The following CIB1 variants were observed in gnomAD, a reference collection of about 807,000 sequenced individuals.
CIB1 encodes calcium and integrin-binding protein 1.
Under a neutral mutation model 25.0 loss-of-function variants are expected in CIB1, and 19 were observed. The observed-to-expected ratio is 0.76, with a 90% confidence interval of 0.53 to 1.12. CIB1 has a LOEUF of 1.12. CIB1 is among the 50% of genes most tolerant of loss of function. CIB1 has a pLI of 0.00. For missense variants in CIB1, 236 were observed against 242.6 expected (o/e 0.97, Z 0.18); for synonymous variants, 104 against 98.5 (o/e 1.06, Z -0.33).
chr15:90,257,135 C>T, the CIB1 span: 4 of 1,612,710 alleles, frequency 2.5e-6, no homozygotes, highest in Non-Finnish European at 2.5e-6. Flanking sequence ...TGCATGCTCC[C>T]AGCCCCTCCT....
the CIB1 span, chr15:90,264,699 A>T: frequency 3.9e-6 from 6 of 1,534,278 alleles, no homozygotes; most frequent in Non-Finnish European, 5.2e-6. Context: ...CAACTCAGGG[A>T]CATCCATGTT....
chr15:90,262,007 A>T, the CIB1 span: 1 of 1,531,774 alleles, frequency 6.5e-7, no homozygotes, highest in Non-Finnish European at 8.7e-7. Context: ...TTTCCACAGG[A>T]AAGAAAAAAC....
At chr15:90,256,611 T>TTTCTTTCTTTCTTTC in the CIB1 span, among the ~76,000 whole-genome samples, 3 of 43,132 alleles carry the variant, frequency 7.0e-5, no homozygotes, top group African/African-American at 3.9e-4. Context: ...CTTTCTTTCC[T>TTTCTTTCTTTCTTTC]TCCTTCCTTC....
chr15:90,245,330 CT>C, the CIB1 span: 1 of 152,068 alleles, frequency 6.6e-6, no homozygotes, highest in Admixed American at 6.6e-5. Context: ...CAAAAATTAG[CT>C]GGGTGTGGGT....
chr15:90,246,779 C>A, the CIB1 span, among the ~76,000 whole-genome samples: 671 of 88,332 alleles, frequency 7.6e-3, 8 homozygotes, highest in African/African-American at 0.028. Context: ...CAGAGTGAGA[C>A]TCTGTCTCAA....
chr15:90,258,968 C>T, the CIB1 span: 1 of 1,613,714 alleles, frequency 6.2e-7, no homozygotes, highest in African/African-American at 1.3e-5. Context: ...CTTCATTATT[C>T]CTGAGAGTAA....
chr15:90,260,985 A>T, the CIB1 span, among the ~76,000 whole-genome samples: 1 of 152,188 alleles, frequency 6.6e-6, no homozygotes, highest in African/African-American at 2.4e-5. Context: ...CTCATAATCA[A>T]CATGCTAATT....
At chr15:90,242,328 T>G in the CIB1 span, 4 of 269,414 alleles carry the variant, frequency 1.5e-5, no homozygotes, top group Admixed American at 5.2e-5. Context: ...TTTCACCATG[T>G]TGCCCAGGCT....
At chr15:90,246,980 T>TC in the CIB1 span, among the ~76,000 whole-genome samples, 3 of 151,328 alleles carry the variant, frequency 2.0e-5, no homozygotes, top group African/African-American at 7.3e-5. Context: ...TCTTTCCTTT[T>TC]TTTTTTTTCT....
the CIB1 span, chr15:90,250,857 C>G: frequency 6.2e-7 from 1 of 1,613,986 alleles, no homozygotes; most frequent in Admixed American, 1.7e-5. Context: ...GACTTAGAAG[C>G]TGGGAGGAGG....
chr15:90,259,371 C>T, the CIB1 span, among the ~76,000 whole-genome samples: 12 of 150,548 alleles, frequency 8.0e-5, no homozygotes, highest in Non-Finnish European at 1.6e-4. Flanking sequence ...GCCTGGGCAA[C>T]AGAGTGAGAC....
the CIB1 span, chr15:90,244,654 C>T: frequency 5.3e-5 from 8 of 152,132 alleles, no homozygotes; most frequent in Admixed American, 5.2e-4. Context: ...GAAACCCCAT[C>T]TCTACTAAAA....
the CIB1 span, chr15:90,251,422 C>A: frequency 3.0e-5 from 28 of 946,096 alleles, no homozygotes; most frequent in Non-Finnish European, 4.7e-5. Context: ...CCGCGCCCAG[C>A]CCATCCTGGT....
chr15:90,233,523 G>A, intron 2 of CIB1, 146 bp downstream of exon 2: 1 of 1,051,970 alleles, frequency 9.5e-7, no homozygotes, highest in Non-Finnish European at 1.4e-6. Flanking sequence ...CGGGAGGAGG[G>A]CGCAGCCCGG....
the CIB1 span, among the ~76,000 whole-genome samples, chr15:90,254,202 TA>T: frequency 0.2 from 28,080 of 138,858 alleles, 3,575 homozygotes; most frequent in African/African-American, 0.38. Context: ...TTTTTTTTTT[TA>T]AAAAAAAAAG....
the CIB1 span, chr15:90,255,653 C>G: frequency 6.5e-7 from 1 of 1,539,988 alleles, no homozygotes; most frequent in Non-Finnish European, 8.9e-7. Flanking sequence ...ACTGTGACTT[C>G]TCCCTTAACC....
the CIB1 span, chr15:90,263,183 A>C: frequency 6.8e-7 from 1 of 1,479,822 alleles, no homozygotes; most frequent in Non-Finnish European, 8.9e-7. Context: ...GGAAAAGGGA[A>C]CAAGGGCTGT....
chr15:90,257,421 G>T, the CIB1 span: 1 of 1,301,962 alleles, frequency 7.7e-7, no homozygotes, highest in Non-Finnish European at 1.0e-6. Context: ...TAGCTGGGAG[G>T]CAAGTGTTTG....
intron 2 of CIB1, among the ~76,000 whole-genome samples, chr15:90,232,816 G>A (rs1366198179): frequency 5.0e-5 from 2 of 40,176 alleles, no homozygotes; most frequent in African/African-American, 1.4e-4. Context: ...TGAGGCAGGA[G>A]AATCACTTGA....
Sources: gnomAD v4.1 joint callset for allele counts (sites outside exome capture counted in the v4.1 genomes callset) on GRCh38, gnomAD v4.1.1 for gene constraint, MANE v1.5 for transcripts, NCBI Gene and HGNC (gene_info 2026-07-23, HGNC 2026-07-21) for gene names.